The following KCNIP4 variants were observed in gnomAD, a reference collection of about 807,000 sequenced individuals.
KCNIP4 encodes the protein potassium voltage-gated channel interacting protein 4, also known as Kv channel-interacting protein 4.
In KCNIP4, 12 loss-of-function variants were observed where a neutral mutation model predicts 34.0. The ratio of observed to expected loss-of-function variants is 0.35; its 90% CI spans 0.23 to 0.57. The LOEUF (loss-of-function observed/expected upper bound fraction) is 0.57. Ranked by LOEUF, KCNIP4 falls within the 20% of genes least tolerant of loss-of-function variation. The probability of loss-of-function intolerance (pLI) is 0.83; values close to 1 mark genes in which losing one functional copy is unlikely to be tolerated. For missense variants in KCNIP4, 238 were observed against 311.7 expected, an observed-to-expected ratio of 0.76 and a Z score of 1.78; for synonymous variants, 124 against 102.2, an observed-to-expected ratio of 1.21 and a Z score of -1.29.
chr4:20,950,056 C>A (rs543011312), intron 1 of KCNIP4, among the ~76,000 whole-genome samples: 14 of 148,150 alleles, frequency 9.4e-5, no homozygotes, highest in Non-Finnish European at 1.0e-4. Flanking sequence ...GAAAGGAAAT[C>A]ATGAAAAACT....
At chr4:21,491,222 A>G (rs187837806) in intron 1 of KCNIP4, among the ~76,000 whole-genome samples, 10 of 152,222 alleles carry the variant, frequency 6.6e-5, no homozygotes, top group Admixed American at 6.5e-4. Context: ...GAATAAATAA[A>G]TGATGACCAG....
chr4:21,073,522 T>G (rs948182653), intron 1 of KCNIP4, among the ~76,000 whole-genome samples: 6 of 152,212 alleles, frequency 3.9e-5, no homozygotes, highest in Non-Finnish European at 8.8e-5. Context: ...CTTATCAGCT[T>G]AAGGAGATTT....
At chr4:21,663,275 T>C (rs911608067) in intron 1 of KCNIP4, among the ~76,000 whole-genome samples, 5 of 152,224 alleles carry the variant, frequency 3.3e-5, no homozygotes, top group African/African-American at 7.2e-5. Flanking sequence ...TTAAAATGTG[T>C]ATCAAGGTGA....
intron 1 of KCNIP4, among the ~76,000 whole-genome samples, chr4:21,045,797 A>G (rs1029696723): frequency 3.9e-5 from 6 of 152,258 alleles, no homozygotes; most frequent in African/African-American, 1.4e-4. Context: ...CCTTTCAAAT[A>G]GAAATAATAC....
intron 1 of KCNIP4, among the ~76,000 whole-genome samples, chr4:21,680,023 G>A (rs1268671770): frequency 1.3e-5 from 2 of 152,138 alleles, no homozygotes; most frequent in Non-Finnish European, 2.9e-5. Flanking sequence ...CAACAATGAA[G>A]TTTGTCATAT....
intron 1 of KCNIP4, among the ~76,000 whole-genome samples, chr4:21,773,732 G>GTTT (rs1337547042): frequency 2.8e-4 from 20 of 71,324 alleles, no homozygotes; most frequent in African/African-American, 1.3e-3. Flanking sequence ...TGCAACCCCT[G>GTTT]TTTTTTTTTG....
At chr4:21,173,964 C>T (rs968472039) in intron 1 of KCNIP4, among the ~76,000 whole-genome samples, 3 of 152,200 alleles carry the variant, frequency 2.0e-5, no homozygotes, top group African/African-American at 4.8e-5. Context: ...TCCTTTCCTG[C>T]TAATACCAAG....
At chr4:21,629,694 C>A (rs1288300213) in intron 1 of KCNIP4, among the ~76,000 whole-genome samples, 2 of 152,018 alleles carry the variant, frequency 1.3e-5, no homozygotes, top group Admixed American at 1.3e-4. Flanking sequence ...AACCTGATAC[C>A]TATAGGGAAT....
chr4:21,453,954 G>A (rs941754175), intron 1 of KCNIP4, among the ~76,000 whole-genome samples: 1 of 152,008 alleles, frequency 6.6e-6, no homozygotes, highest in Admixed American at 6.6e-5. Context: ...TTGAAACAAT[G>A]ACCTCTGAGG....
chr4:21,257,915 G>A (rs990321895), intron 1 of KCNIP4, among the ~76,000 whole-genome samples: 3 of 152,060 alleles, frequency 2.0e-5, no homozygotes, highest in African/African-American at 7.2e-5. Context: ...ACATGATTTG[G>A]GGCAGCTATG....
chr4:21,324,315 CTT>C (rs945333384), intron 1 of KCNIP4, among the ~76,000 whole-genome samples: 7 of 151,924 alleles, frequency 4.6e-5, no homozygotes, highest in Admixed American at 4.6e-4. Flanking sequence ...CACAAGAAAT[CTT>C]TGCCTATTCT....
chr4:20,920,584 C>G (rs533497818), intron 1 of KCNIP4, among the ~76,000 whole-genome samples: 30 of 152,174 alleles, frequency 2.0e-4, no homozygotes, highest in Non-Finnish European at 3.8e-4. Context: ...GCAGACTGGA[C>G]TTTTGTCTAG....
rs547771329 is a variant in KCNIP4 at position 20,978,752 on chromosome 4, C to G, written c.62-96043G>C. ...AACATTCTTCTTGGATTTTCTTGTA[C>G]TGGTCTATTTACCATGATGTATTAT... On this transcript the variant is annotated intron_variant, in intron 1 of 8. Transcript: ENST00000382152. Among the ~76,000 whole-genome samples the G allele has an allele frequency of 1.1e-3, 165 of 152,246 alleles. 1 individual carries two copies. The highest frequency in any genetic ancestry group is 3.9e-3 in the African/African-American group (163 of 41,564).
chr4:21,782,368 T>C (rs972548550), intron 1 of KCNIP4, among the ~76,000 whole-genome samples: 10 of 152,324 alleles, frequency 6.6e-5, no homozygotes, highest in African/African-American at 2.2e-4. Context: ...TAGGCACTTA[T>C]GCCAAATAAA....
chr4:21,856,664 A>C (rs1724780353), intron 1 of KCNIP4, among the ~76,000 whole-genome samples: 1 of 152,000 alleles, frequency 6.6e-6, no homozygotes, highest in Admixed American at 6.5e-5. Flanking sequence ...ACAGCTGCCC[A>C]ATCTGTGGCT....
chr4:21,753,763 T>A (rs945356711), intron 1 of KCNIP4, among the ~76,000 whole-genome samples: 1 of 152,300 alleles, frequency 6.6e-6, no homozygotes, highest in African/African-American at 2.4e-5. Flanking sequence ...AACTTTTTAT[T>A]GAAGCATCAT....
At chr4:21,763,053 C>G in intron 1 of KCNIP4, 3 of 1,288,828 alleles carry the variant, frequency 2.3e-6, no homozygotes, top group East Asian at 5.6e-5. Flanking sequence ...TGGACATATG[C>G]ACAGTTTGCC....
At chr4:21,274,946 A>G (rs1329647302) in intron 1 of KCNIP4, among the ~76,000 whole-genome samples, 1 of 152,170 alleles carries the variant, frequency 6.6e-6, no homozygotes, top group African/African-American at 2.4e-5. Context: ...GTGACAATCT[A>G]GGTCCATAGA....
At chr4:21,329,231 A>C (rs1715387527) in intron 1 of KCNIP4, among the ~76,000 whole-genome samples, 1 of 152,254 alleles carries the variant, frequency 6.6e-6, no homozygotes, top group Non-Finnish European at 1.5e-5. Flanking sequence ...CTAATATACA[A>C]CATTTAATTA....
Sources: allele counts gnomAD v4.1 joint callset (sites outside exome capture counted in the v4.1 genomes callset), GRCh38; gene constraint gnomAD v4.1.1; transcripts MANE v1.5; gene names NCBI Gene and HGNC (gene_info 2026-07-23, HGNC 2026-07-21).